The following COL25A1 variants were observed in gnomAD, a reference collection of about 807,000 sequenced individuals.
The protein encoded by COL25A1 is collagen alpha-1(XXV) chain.
In COL25A1, 103 loss-of-function variants were observed where a neutral mutation model predicts 128.4. That is an observed-to-expected ratio of 0.80 (90% confidence interval 0.68 to 0.94). The LOEUF is 0.94. Among genes scored for constraint, COL25A1 ranks in the 40% least tolerant of loss-of-function variants. The pLI is 0.00. For synonymous variants in COL25A1, 279 were observed against 277.2 expected (o/e 1.01, Z -0.06); for missense variants, 745 against 840.0 (o/e 0.89, Z 1.40).
rs1049358882 is a variant in COL25A1 at position 108,810,436 on chromosome 4, T to C, written c.*3491A>G. On this transcript the variant is annotated 3_prime_UTR_variant, in exon 38 of 38. Coordinates refer to ENST00000399132, the MANE Select transcript of COL25A1 (RefSeq NM_198721.4). ...AAATTCAAAAACAAGACCTTTCTTC[T>C]GGTAGGAATTAAAGATATTCTAATG... 2.6e-4 allele frequency: 40 copies of C among 151,956 alleles called. No homozygotes were observed. The highest frequency in any genetic ancestry group is 1.2e-4 in the Non-Finnish European group (8 of 67,860). The allele number at this position is 151,956 out of a possible 1,614,324, so 9.4% of individuals were successfully genotyped here.
In COL25A1 at chr4:109,110,260, G is replaced by A. The variant is rs554357358; in HGVS notation, c.368-60081C>T. On this transcript the variant is annotated intron_variant, in intron 3 of 37. Coordinates refer to ENST00000399132, the MANE Select transcript of COL25A1 (RefSeq NM_198721.4). ...CAGTGATTTGTGATCTGTACCCAGC[G>A]TTGATCTTCAGCTGGTATTCACCCA... 2.6e-5 allele frequency among the ~76,000 whole-genome samples: 4 copies of A among 152,242 alleles called. No individual in the cohort carries two copies. In the South Asian group the frequency reaches 6.2e-4, roughly 24 times the overall value.
chr4:109,074,944 T>C (rs1763264213), intron 3 of COL25A1, among the ~76,000 whole-genome samples: 1 of 151,992 alleles, frequency 6.6e-6, no homozygotes, highest in Non-Finnish European at 1.5e-5. Context: ...ACAAAATAGG[T>C]CCCCCAAAAC....
At chr4:108,868,475 A>T (rs58649299) in intron 20 of COL25A1, among the ~76,000 whole-genome samples, 2,922 of 151,760 alleles carry the variant, frequency 0.019, 94 homozygotes, top group African/African-American at 0.065. Flanking sequence ...TTCAGAAAGA[A>T]GAAATCAAGC....
chr4:108,951,156 A>T (rs1463104416), intron 8 of COL25A1, among the ~76,000 whole-genome samples: 1 of 152,110 alleles, frequency 6.6e-6, no homozygotes, highest in Non-Finnish European at 1.5e-5. Context: ...GGAAAAATTG[A>T]TAGGGCACAG....
intron 3 of COL25A1, among the ~76,000 whole-genome samples, chr4:109,238,252 T>G (rs1046894787): frequency 1.3e-5 from 2 of 152,022 alleles, no homozygotes; most frequent in African/African-American, 4.8e-5. Context: ...GGGCTTAGAT[T>G]TTTTTCCTAA....
intron 24 of COL25A1, among the ~76,000 whole-genome samples, chr4:108,854,312 AG>A (rs1379784637): frequency 2.6e-4 from 39 of 152,260 alleles, no homozygotes; most frequent in African/African-American, 9.1e-4. Flanking sequence ...GTATAGGCAA[AG>A]ACTTCATGAC....
chr4:108,975,071 C>T (rs1752302950), intron 6 of COL25A1, among the ~76,000 whole-genome samples: 1 of 152,172 alleles, frequency 6.6e-6, no homozygotes, highest in Admixed American at 6.5e-5. Context: ...CTTTATAATA[C>T]TCCACTGTAT....
intron 3 of COL25A1, among the ~76,000 whole-genome samples, chr4:109,256,091 T>TGTGTGTGTGTGTGTGTGTGTGG (rs1781068139): frequency 8.1e-6 from 1 of 123,230 alleles, no homozygotes; most frequent in African/African-American, 3.3e-5. Flanking sequence ...CATTGGTGTG[T>TGTGTGTGTGTGTGTGTGTGTGG]GTGTGTGTGT....
intron 3 of COL25A1, among the ~76,000 whole-genome samples, chr4:109,161,837 T>C (rs1158604576): frequency 6.6e-6 from 1 of 152,202 alleles, no homozygotes; most frequent in Non-Finnish European, 1.5e-5. Flanking sequence ...GAGAAGTGCC[T>C]GAGATTCCCG....
At chr4:109,188,518 A>G (rs1230380695) in intron 3 of COL25A1, among the ~76,000 whole-genome samples, 2 of 152,204 alleles carry the variant, frequency 1.3e-5, no homozygotes, top group Admixed American at 6.5e-5. Flanking sequence ...TACACTGGAT[A>G]AAAGCCTATT....
At chr4:109,027,350 T>C (rs1758394461) in intron 5 of COL25A1, among the ~76,000 whole-genome samples, 1 of 152,094 alleles carries the variant, frequency 6.6e-6, no homozygotes, top group South Asian at 2.1e-4. Context: ...GGAGGTGTGC[T>C]TAGCGTGTCC....
At chr4:109,298,926 A>C (rs1725248296) in intron 3 of COL25A1, among the ~76,000 whole-genome samples, 1 of 152,202 alleles carries the variant, frequency 6.6e-6, no homozygotes, top group Non-Finnish European at 1.5e-5. Context: ...GCTAAGATGA[A>C]AAATGGTCCA....
intron 6 of COL25A1, among the ~76,000 whole-genome samples, chr4:108,993,742 C>T (rs13129214): frequency 0.072 from 10,939 of 151,898 alleles, 441 homozygotes; most frequent in Non-Finnish European, 0.087. Context: ...TTCCTGTAAT[C>T]CCAGCTACTC....
chr4:109,240,946 T>G (rs1478107063), intron 3 of COL25A1, among the ~76,000 whole-genome samples: 1 of 152,036 alleles, frequency 6.6e-6, no homozygotes, highest in Non-Finnish European at 1.5e-5. Flanking sequence ...CAAAATAATT[T>G]TTTGAGGGTA....
At chr4:108,839,699 T>C (rs1308022708) in intron 31 of COL25A1, among the ~76,000 whole-genome samples, 3 of 152,254 alleles carry the variant, frequency 2.0e-5, no homozygotes, top group Non-Finnish European at 4.4e-5. Context: ...GTTTATCATC[T>C]ATGAAATCAG....
chr4:108,893,733 C>T (rs1482476904), intron 16 of COL25A1, among the ~76,000 whole-genome samples: 2 of 152,004 alleles, frequency 1.3e-5, no homozygotes, highest in African/African-American at 4.8e-5. Context: ...ACTTGGTAAA[C>T]GATGAATGAG....
At chr4:108,911,687 T>G (rs575079156) in intron 13 of COL25A1, among the ~76,000 whole-genome samples, 1 of 152,348 alleles carries the variant, frequency 6.6e-6, no homozygotes, top group South Asian at 2.1e-4. Flanking sequence ...TTTAATCAGA[T>G]GTAATATGTC....
intron 32 of COL25A1, among the ~76,000 whole-genome samples, chr4:108,828,889 C>G (rs115296832): frequency 7.9e-5 from 12 of 152,118 alleles, no homozygotes; most frequent in Non-Finnish European, 1.6e-4. Flanking sequence ...TCCAGATTCC[C>G]GTGTGAGCAA....
At chr4:109,279,573 CTCAA>C (rs1723172128) in intron 3 of COL25A1, among the ~76,000 whole-genome samples, 1 of 152,076 alleles carries the variant, frequency 6.6e-6, no homozygotes, top group African/African-American at 2.4e-5. Context: ...AAGACCCTGT[CTCAA>C]TCAATCAATT....
Sources: allele counts gnomAD v4.1 joint callset (sites outside exome capture counted in the v4.1 genomes callset), GRCh38; gene constraint gnomAD v4.1.1; transcripts MANE v1.5; gene names NCBI Gene and HGNC (gene_info 2026-07-23, HGNC 2026-07-21).